UNC80: variants seen among roughly 807,000 people sequenced by gnomAD.
The protein encoded by UNC80 is unc-80 subunit of NALCN channel complex.
UNC80 carries 164 observed loss-of-function variants against 384.6 expected under a neutral mutation model. The ratio of observed to expected loss-of-function variants is 0.43; its 90% CI spans 0.38 to 0.49. The LOEUF is 0.49. UNC80 is among the 20% of genes least tolerant of loss of function. The probability of loss-of-function intolerance (pLI) is 0.00; values close to 1 mark genes in which losing one functional copy is unlikely to be tolerated. For synonymous variants in UNC80, 1,486 were observed against 1,527.8 expected (o/e 0.97, Z 0.64); for missense variants, 3,330 against 4,143.0 (o/e 0.80, Z 5.39).
chr2:209,815,353 G>C lies in UNC80; in HGVS notation c.1297G>C (p.Asp433His). 1 of 1,551,668 alleles carries C rather than the reference G, an allele frequency of 6.4e-7. No homozygotes were observed. Among genetic ancestry groups the C allele is most frequent in the African/African-American group, 1.4e-5 (1 of 73,148 alleles). ...LTNLRRSAVP[D>H]LSSDLGMNIF... ...CAATCTGCGTAGATCTGCAGTCCCA[G>C]ATCTTTCTTCAGACCTGGGCATGAA... Residue 433 changes from aspartate to histidine, a missense_variant, in exon 9 of 65, where the codon GAT becomes CAT. Around this residue, in one of 8 missense-constraint regions of UNC80, gnomAD observed 937 missense variants for 1,026.8 expected, o/e 0.91. Coordinates refer to ENST00000673920, the MANE Select transcript of UNC80 (RefSeq NM_001371986.1).
chr2:209,877,878 G>A, intron 23 of UNC80, 76 bp from the exon 24 acceptor site: 2 of 1,395,628 alleles, frequency 1.4e-6, no homozygotes, highest in Non-Finnish European at 1.9e-6. Flanking sequence ...GGTTGCTTAT[G>A]TCTGATGTAA....
chr2:209,771,875 C>G lies in UNC80; in HGVS notation c.-198C>G. On this transcript the variant is annotated 5_prime_UTR_variant, in exon 1 of 65. Transcript: ENST00000673920. Reference sequence around the variant, plus strand: ...CTCGCTCCGCGGCTCCTCCAGCCCTCCCCTCCTCCCGCAGCCATGTTCCAC... The same window carrying G: ...CTCGCTCCGCGGCTCCTCCAGCCCTGCCCTCCTCCCGCAGCCATGTTCCAC... 1 of 581,798 alleles carries G rather than the reference C, an allele frequency of 1.7e-6. No individual in the cohort carries two copies. Among genetic ancestry groups the G allele is most frequent in the Non-Finnish European group, 3.2e-6 (1 of 313,450 alleles). The allele number at this position is 581,798 out of a possible 1,614,324, so 36.0% of individuals were successfully genotyped here. A position where few individuals can be genotyped will look rare whatever the true frequency, so the allele number is the denominator to read the frequency against.
intron 48 of UNC80, among the ~76,000 whole-genome samples, chr2:209,956,907 A>G (rs537376308): frequency 3.3e-5 from 5 of 152,214 alleles, no homozygotes; most frequent in Non-Finnish European, 7.3e-5. Context: ...TTAAAAGCTT[A>G]CTTTCTAGCC....
At chr2:209,914,215 T>C (rs1234634578) in intron 31 of UNC80, among the ~76,000 whole-genome samples, 1 of 152,200 alleles carries the variant, frequency 6.6e-6, no homozygotes, top group African/African-American at 2.4e-5. Flanking sequence ...ATCCTGCACT[T>C]TCACTATATT....
chr2:209,809,439 C>A, intron 7 of UNC80: 1 of 1,470,106 alleles, frequency 6.8e-7, no homozygotes, highest in Non-Finnish European at 9.5e-7. Flanking sequence ...GTGCCTTCGC[C>A]GACCGCTCCA....
intron 25 of UNC80, 60 bp from the exon 26 acceptor site, chr2:209,888,035 C>T (rs1281270949): frequency 1.3e-6 from 2 of 1,508,710 alleles, no homozygotes; most frequent in Non-Finnish European, 1.8e-6. Flanking sequence ...AGGCTTGCCG[C>T]GAGACCAATG....
chr2:209,949,261 C>T (rs916958843), intron 47 of UNC80, among the ~76,000 whole-genome samples: 1 of 152,090 alleles, frequency 6.6e-6, no homozygotes, highest in African/African-American at 2.4e-5. Flanking sequence ...TAAACCAATT[C>T]TGGATACTTA....
intron 22 of UNC80, among the ~76,000 whole-genome samples, chr2:209,866,533 C>CACACAT (rs1307214321): frequency 9.6e-6 from 1 of 104,086 alleles, no homozygotes; most frequent in Admixed American, 9.1e-5. Flanking sequence ...CACACACACA[C>CACACAT]AGAGAGAGAG....
In UNC80 at chr2:209,931,115, G is replaced by A. The variant is rs1012411543; in HGVS notation, c.5994+61G>A. The stretch of plus-strand genomic sequence containing the variant: ...GCACCATGATGAAAAGGTCTTAGAA[G>A]ATTTTTTTCAATAAATTTCCATTAA... On this transcript the variant is annotated intron_variant, in intron 38 of 64. Coordinates refer to ENST00000673920, the MANE Select transcript of UNC80 (RefSeq NM_001371986.1). 1.6e-5 allele frequency: 21 copies of A among 1,284,246 alleles called. No individual in the cohort carries two copies. In the African/African-American group the frequency reaches 3.0e-4, roughly 18 times the overall value. The allele number at this position is 1,284,246 out of a possible 1,614,324, so 79.6% of individuals were successfully genotyped here.
At chr2:209,827,032 A>G (rs1299929789) in intron 14 of UNC80, among the ~76,000 whole-genome samples, 3 of 151,992 alleles carry the variant, frequency 2.0e-5, no homozygotes, top group African/African-American at 7.2e-5. Flanking sequence ...GTTTTATATT[A>G]TATTGTGTTG....
intron 39 of UNC80, among the ~76,000 whole-genome samples, chr2:209,934,904 C>T (rs995937977): frequency 7.2e-5 from 11 of 152,234 alleles, no homozygotes; most frequent in African/African-American, 2.2e-4. Context: ...GTTTTTATTA[C>T]AGCAAAGAAA....
intron 48 of UNC80, among the ~76,000 whole-genome samples, chr2:209,956,506 A>G (rs1236710814): frequency 6.6e-6 from 1 of 151,980 alleles, no homozygotes; most frequent in African/African-American, 2.4e-5. Flanking sequence ...AGGCACCTGC[A>G]TTTCTTCTCA....
intron 12 of UNC80, 24 bp from the exon 13 acceptor site, chr2:209,820,284 ATGC>A (rs772526678): frequency 7.7e-5 from 116 of 1,500,322 alleles, no homozygotes; most frequent in Non-Finnish European, 1.0e-4. Flanking sequence ...TAACTTAATC[ATGC>A]TGTGTTTATC....
chr2:209,931,957 G>A (rs532690273), intron 38 of UNC80, among the ~76,000 whole-genome samples: 1 of 152,220 alleles, frequency 6.6e-6, no homozygotes, highest in Admixed American at 6.5e-5. Flanking sequence ...CCTTCACACT[G>A]CTTTTGTCTC....
intron 22 of UNC80, among the ~76,000 whole-genome samples, chr2:209,868,492 C>T (rs1256630372): frequency 6.6e-6 from 1 of 152,142 alleles, no homozygotes; most frequent in Non-Finnish European, 1.5e-5. Flanking sequence ...ATCTTGGCAA[C>T]AATATTTTTT....
chr2:209,925,818 C>T (rs2090389576), intron 35 of UNC80, among the ~76,000 whole-genome samples: 1 of 152,160 alleles, frequency 6.6e-6, no homozygotes, highest in African/African-American at 2.4e-5. Context: ...GCTGGCTTCA[C>T]CTCTCAAAGC....
At chr2:209,778,718 C>G (rs1360109375) in intron 4 of UNC80, among the ~76,000 whole-genome samples, 1 of 152,148 alleles carries the variant, frequency 6.6e-6, no homozygotes, top group African/African-American at 2.4e-5. Flanking sequence ...AAGAACTATT[C>G]GTTACTTCTG....
intron 23 of UNC80, among the ~76,000 whole-genome samples, chr2:209,875,825 G>C (rs1204000304): frequency 6.6e-6 from 1 of 152,080 alleles, no homozygotes; most frequent in African/African-American, 2.4e-5. Flanking sequence ...GAGACCTTCT[G>C]TGAGATTTTC....
intron 36 of UNC80, among the ~76,000 whole-genome samples, chr2:209,927,440 T>C (rs2124960985): frequency 6.6e-6 from 1 of 152,352 alleles, no homozygotes; most frequent in Non-Finnish European, 1.5e-5. Flanking sequence ...CAAAGGTTAA[T>C]TTCTTAACGT....
Sources: gnomAD v4.1 joint callset for allele counts (sites outside exome capture counted in the v4.1 genomes callset) on GRCh38, gnomAD v4.1.1 for gene constraint, gnomAD v4.1.1 regional missense constraint, MANE v1.5 for transcripts, NCBI Gene and HGNC (gene_info 2026-07-23, HGNC 2026-07-21) for gene names.